EPS15: variants seen among roughly 807,000 people sequenced by gnomAD.
EPS15 encodes epidermal growth factor receptor pathway substrate 15.
Under a neutral mutation model 113.8 loss-of-function variants are expected in EPS15, and 72 were observed. That is an observed-to-expected ratio of 0.63 (90% CI 0.52 to 0.77). EPS15 has a LOEUF of 0.77. Among genes scored for constraint, EPS15 ranks in the 30% least tolerant of loss-of-function variants. EPS15 has a pLI of 0.00. For missense variants in EPS15, 1,048 were observed against 1,045.8 expected (o/e 1.00, Z -0.03); for synonymous variants, 344 against 363.4 (o/e 0.95, Z 0.61).
chr1:51,471,403 A>C (rs1461583829), intron 4 of EPS15, among the ~76,000 whole-genome samples: 2 of 152,216 alleles, frequency 1.3e-5, no homozygotes, highest in Non-Finnish European at 2.9e-5. Flanking sequence ...AATAACATTC[A>C]CTTTTACTTA....
At chr1:51,406,551 G>T (rs1452332484) in intron 15 of EPS15, among the ~76,000 whole-genome samples, 1 of 152,162 alleles carries the variant, frequency 6.6e-6, no homozygotes. Flanking sequence ...AATCCTCTGG[G>T]AATGCTACGT....
At chr1:51,402,355 T>G (rs1648653914) in intron 18 of EPS15, 80 bp downstream of exon 18, 2 of 708,964 alleles carry the variant, frequency 2.8e-6, no homozygotes, top group Non-Finnish European at 4.6e-6. Flanking sequence ...CTATTGAAAC[T>G]GAAGCCTTGA....
intron 2 of EPS15, among the ~76,000 whole-genome samples, chr1:51,478,970 A>G (rs113002366): frequency 0.03 from 4,576 of 152,022 alleles, 76 homozygotes; most frequent in African/African-American, 0.05. Flanking sequence ...TCTTTGTGGC[A>G]TTCTCTATAT....
intron 8 of EPS15, among the ~76,000 whole-genome samples, chr1:51,451,490 C>CAAAAAAAAAAAAAAAAA (rs56091976): frequency 5.9e-5 from 3 of 50,752 alleles, no homozygotes; most frequent in Non-Finnish European, 1.1e-4. Context: ...GACTCCATCT[C>CAAAAAAAAAAAAAAAAA]AAAAAAAAAA....
chr1:51,461,246 C>T, intron 7 of EPS15, 96 bp from the exon 8 acceptor site: 14 of 883,116 alleles, frequency 1.6e-5, no homozygotes, highest in Non-Finnish European at 2.2e-5. Context: ...GGAATGGTGG[C>T]TCATGCCCAT....
chr1:51,478,954 G>C (rs1486556324), intron 2 of EPS15, among the ~76,000 whole-genome samples: 1 of 152,114 alleles, frequency 6.6e-6, no homozygotes, highest in Non-Finnish European at 1.5e-5. Context: ...CTCTTCTCGA[G>C]GAGTATCTTT....
chr1:51,471,668 C>T, intron 4 of EPS15, 22 bp downstream of exon 4: 1 of 1,571,958 alleles, frequency 6.4e-7, no homozygotes, highest in East Asian at 2.2e-5. Context: ...AAAAAAAAAT[C>T]ATATGAATAT....
chr1:51,446,030 T>C (rs1013087322), intron 10 of EPS15, among the ~76,000 whole-genome samples: 1 of 152,224 alleles, frequency 6.6e-6, no homozygotes, highest in African/African-American at 2.4e-5. Flanking sequence ...TGGGTTCTTG[T>C]TTCTTTTAAG....
chr1:51,428,523 A>G (rs1269189605), intron 12 of EPS15, among the ~76,000 whole-genome samples: 1 of 152,096 alleles, frequency 6.6e-6, no homozygotes, highest in African/African-American at 2.4e-5. Context: ...TGTGACATCA[A>G]TAACATAACA....
chr1:51,444,336 T>C (rs1041653672), intron 11 of EPS15, among the ~76,000 whole-genome samples: 3 of 152,188 alleles, frequency 2.0e-5, no homozygotes, highest in African/African-American at 7.2e-5. Flanking sequence ...AAACCAAAAC[T>C]AGGTAAAACC....
At chr1:51,499,301 T>C (rs979589321) in intron 1 of EPS15, among the ~76,000 whole-genome samples, 3 of 152,272 alleles carry the variant, frequency 2.0e-5, no homozygotes, top group African/African-American at 7.2e-5. Flanking sequence ...TTTCTTCATG[T>C]TGTAGCATGT....
intron 3 of EPS15, among the ~76,000 whole-genome samples, chr1:51,472,427 A>G (rs6588410): frequency 0.29 from 43,376 of 152,112 alleles, 7,968 homozygotes; most frequent in African/African-American, 0.52. Context: ...TCAATATCAC[A>G]TATAAGGAGT....
chr1:51,399,274 G>C, intron 19 of EPS15, 109 bp from the exon 20 acceptor site: 1 of 1,003,020 alleles, frequency 1.0e-6, no homozygotes, highest in South Asian at 1.6e-5. Context: ...TCTGGGGCCA[G>C]GTGCAGTGGC....
intron 2 of EPS15, among the ~76,000 whole-genome samples, chr1:51,481,037 T>C (rs968644271): frequency 2.6e-5 from 4 of 152,262 alleles, no homozygotes; most frequent in Non-Finnish European, 4.4e-5. Context: ...CTATCAAATG[T>C]ATACATTTTC....
At chr1:51,498,868 T>G (rs1389061328) in intron 1 of EPS15, among the ~76,000 whole-genome samples, 1 of 152,334 alleles carries the variant, frequency 6.6e-6, no homozygotes, top group East Asian at 1.9e-4. Flanking sequence ...TAATCTCCAA[T>G]GCAATAGTAT....
Position 51,394,434 on chromosome 1 carries a change from T to C in EPS15, c.2066A>G (p.Lys689Arg). The C allele has an allele frequency of 1.2e-6, 2 of 1,602,598 alleles. No individual in the cohort carries two copies. Among genetic ancestry groups the C allele is most frequent in the Admixed American group, 1.7e-5 (1 of 59,516 alleles). Residue 689 changes from lysine (K) to arginine (R), a missense_variant, in exon 21 of 25, where the codon AAG (lysine) becomes AGG (arginine). Coordinates refer to ENST00000371733, the MANE Select transcript of EPS15 (RefSeq NM_001981.3). ...ACCAGGAGCAAAAGGATCATTGTGC[T>C]TCAACGTTTCTACCTAAACAAAGCA... ...NSSITSVETL[K>R]HNDPFAPGGT...
At chr1:51,472,737 C>A in intron 3 of EPS15, 122 bp downstream of exon 3, 1 of 682,158 alleles carries the variant, frequency 1.5e-6, no homozygotes, top group Non-Finnish European at 2.6e-6. Context: ...ATTAAAATGG[C>A]TTCTATGACT....
At chr1:51,511,486 C>T (rs1440524326) in intron 1 of EPS15, among the ~76,000 whole-genome samples, 1 of 152,152 alleles carries the variant, frequency 6.6e-6, no homozygotes, top group African/African-American at 2.4e-5. Context: ...CAGAGCGAGA[C>T]TCTCTCTCAA....
intron 1 of EPS15, among the ~76,000 whole-genome samples, chr1:51,514,154 C>G (rs934766987): frequency 3.3e-5 from 5 of 152,060 alleles, no homozygotes; most frequent in African/African-American, 4.8e-5. Context: ...ATTCAATTTA[C>G]AAGATTCCTC....
Sources: gnomAD v4.1 joint callset for allele counts (sites outside exome capture counted in the v4.1 genomes callset) on GRCh38, gnomAD v4.1.1 for gene constraint, MANE v1.5 for transcripts, NCBI Gene and HGNC (gene_info 2026-07-23, HGNC 2026-07-21) for gene names.